KMT2E: variants seen among roughly 807,000 people sequenced by gnomAD.
The protein encoded by KMT2E is lysine methyltransferase 2E (inactive), also known as histone reader KMT2E.
A neutral mutation model predicts 184.6 loss-of-function variants in KMT2E; 30 were observed. That is an observed-to-expected ratio of 0.16 (90% confidence interval 0.12 to 0.22). The LOEUF (loss-of-function observed/expected upper bound fraction) is 0.22, where lower values mean the gene tolerates loss of function less well. Among genes scored for constraint, KMT2E ranks in the 10% least tolerant of loss-of-function variants. The pLI is 1.00. For missense variants in KMT2E, 2,023 were observed against 2,237.4 expected, an observed-to-expected ratio of 0.90 and a Z score of 1.93; for synonymous variants, 815 against 776.5, an observed-to-expected ratio of 1.05 and a Z score of -0.82.
chr7:105,101,776 AG>A lies in KMT2E; in HGVS notation c.1888-109del, dbSNP rs1348034574. 8 of 1,045,850 alleles carry A rather than the reference AG, an allele frequency of 7.6e-6. No individual in the cohort carries two copies. In the Admixed American group the frequency reaches 2.6e-4, roughly 34 times the overall value. The allele number at this position is 1,045,850 out of a possible 1,614,324, so 64.8% of individuals were successfully genotyped here. A position where few individuals can be genotyped will look rare whatever the true frequency, so the allele number is the denominator to read the frequency against. ...TTATCTCTGTTCTTTATTATATATC[AG>A]AATTCAAAAATTCCAGAAAGTTGGC... On this transcript the variant is annotated intron_variant, in intron 16 of 26. Transcript: ENST00000311117.
chr7:105,099,729 C>T (rs761559269), intron 15 of KMT2E, among the ~76,000 whole-genome samples: 4 of 152,116 alleles, frequency 2.6e-5, no homozygotes, highest in Admixed American at 6.5e-5. Context: ...TTTGCCAAGA[C>T]AAGTTTGTTT....
At chr7:105,109,440 T>A (rs77873631) in intron 23 of KMT2E, among the ~76,000 whole-genome samples, 1,811 of 152,342 alleles carry the variant, frequency 0.012, 23 homozygotes, top group African/African-American at 0.034. Context: ...ATTCATACTT[T>A]ACACACACAT....
At chr7:105,039,740 C>T (rs1478707772) in intron 2 of KMT2E, among the ~76,000 whole-genome samples, 1 of 152,086 alleles carries the variant, frequency 6.6e-6, no homozygotes, top group East Asian at 1.9e-4. Flanking sequence ...TAAAAATATA[C>T]AGTAATAGAC....
intron 6 of KMT2E, among the ~76,000 whole-genome samples, chr7:105,071,580 G>GTATATA (rs1438005247): frequency 2.6e-4 from 17 of 64,990 alleles, no homozygotes; most frequent in African/African-American, 7.2e-4. Context: ...GTATGTGTGT[G>GTATATA]TGTATATATA....
intron 3 of KMT2E, among the ~76,000 whole-genome samples, chr7:105,044,318 A>G (rs1796010047): frequency 6.6e-6 from 1 of 152,202 alleles, no homozygotes; most frequent in South Asian, 2.1e-4. Context: ...TACTCTGGTA[A>G]ATTTCACAGG....
At chr7:105,066,393 C>T (rs1244976866) in intron 5 of KMT2E, among the ~76,000 whole-genome samples, 1 of 152,118 alleles carries the variant, frequency 6.6e-6, no homozygotes, top group Admixed American at 6.5e-5. Flanking sequence ...GAGTCAAGTT[C>T]ATTATTCTCC....
intron 1 of KMT2E, among the ~76,000 whole-genome samples, chr7:105,027,004 T>C (rs1192669440): frequency 6.6e-6 from 1 of 151,986 alleles, no homozygotes; most frequent in African/African-American, 2.4e-5. Context: ...TATGAGTGAC[T>C]GATGAGCTCA....
At chr7:105,108,064 C>A in intron 22 of KMT2E, 139 bp downstream of exon 22, 1 of 599,320 alleles carries the variant, frequency 1.7e-6, no homozygotes, top group Non-Finnish European at 2.5e-6. Context: ...ATTTTTAAAC[C>A]TTTTGTAAAT....
intron 1 of KMT2E, among the ~76,000 whole-genome samples, chr7:105,035,412 A>C (rs76387749): frequency 2.1e-5 from 3 of 145,674 alleles, no homozygotes; most frequent in African/African-American, 7.7e-5. Context: ...CAAATTGTCC[A>C]CCTGCCTCAG....
Position 105,040,853 on chromosome 7 carries a change from C to T in KMT2E, c.-100C>T, listed in dbSNP as rs1795847801. 3.9e-6 allele frequency: 3 copies of T among 760,646 alleles called. No individual in the cohort carries two copies. The highest frequency in any genetic ancestry group is 6.7e-6 in the Non-Finnish European group (3 of 447,158). The allele number at this position is 760,646 out of a possible 1,614,324, so 47.1% of individuals were successfully genotyped here. ...CTTTTAAACAGGGTTTGTGGATGCA[C>T]TTAGATGTTTGCAATGAGCACTGTG... On this transcript the variant is annotated 5_prime_UTR_variant, in exon 3 of 27. Transcript: ENST00000311117.
intron 7 of KMT2E, among the ~76,000 whole-genome samples, 179 bp downstream of exon 7, chr7:105,073,856 G>A (rs919937984): frequency 7.3e-5 from 11 of 151,232 alleles, no homozygotes; most frequent in African/African-American, 1.5e-4. Flanking sequence ...TTTTTTTCAC[G>A]TATTATAGAA....
chr7:105,105,538 G>A lies in KMT2E; in HGVS notation c.2296G>A (p.Val766Met). ...TCTACGCATAACTACAGATCCTGAA[G>A]TGTTAGCTACACAACTCAATTCTTT... The part of the protein sequence containing the change: ...RPLRITTDPE[V>M]LATQLNSLPG... Residue 766 changes from valine to methionine, a missense_variant, in exon 18 of 27, where the codon GTG becomes ATG. Physicochemically the swap from Val to Met is conservative, Grantham distance 21. Coordinates refer to ENST00000311117, the MANE Select transcript of KMT2E (RefSeq NM_182931.3). The A allele has an allele frequency of 6.2e-7, 1 of 1,614,100 alleles. No individual in the cohort carries two copies.
intron 15 of KMT2E, among the ~76,000 whole-genome samples, chr7:105,091,831 A>G (rs1798218480): frequency 6.6e-6 from 1 of 152,238 alleles, no homozygotes; most frequent in Non-Finnish European, 1.5e-5. Flanking sequence ...ACTATTTACA[A>G]ATCTTTTATC....
chr7:105,072,959 C>A (rs1797384098), intron 6 of KMT2E, among the ~76,000 whole-genome samples: 1 of 150,802 alleles, frequency 6.6e-6, no homozygotes, highest in Non-Finnish European at 1.5e-5. Context: ...TAATTAAAGG[C>A]AATGGTAATA....
intron 7 of KMT2E, 56 bp downstream of exon 7, chr7:105,073,733 GTTCTC>G: frequency 9.8e-7 from 1 of 1,022,664 alleles, no homozygotes; most frequent in East Asian, 2.4e-5. Flanking sequence ...AGAATAAACG[GTTCTC>G]TCAACTTTTA....
Position 105,081,794 on chromosome 7 carries a change from A to G in KMT2E, c.1355A>G (p.Asn452Ser). ...ATTGCCTTTGATTTTGACTATGGAA[A>G]TTGGTGAGTTCAAGTCTATAAATGT... is the stretch of plus-strand genomic sequence containing the variant. ...ITIAFDFDYG[N>S]CKYKVDCACL... The change falls in exon 13 of 27, where the codon AAT becomes AGT. Residue 452 changes from asparagine to serine, a missense_variant. By Grantham distance (46) the Asn-to-Ser change is conservative. Around this residue, in one of 8 missense-constraint regions of KMT2E, gnomAD observed 68 missense variants for 133.1 expected, o/e 0.51. Coordinates refer to ENST00000311117, the MANE Select transcript of KMT2E (RefSeq NM_182931.3). The G allele has an allele frequency of 4.5e-6, 6 of 1,328,176 alleles. No individual in the cohort carries two copies. The highest frequency in any genetic ancestry group is 6.4e-6 in the Non-Finnish European group (6 of 934,280). 82.3% of individuals were successfully genotyped at this position (1,328,176 alleles called of 1,614,324 possible).
intron 3 of KMT2E, among the ~76,000 whole-genome samples, chr7:105,059,975 G>GCTGTTTTTCTTTT: frequency 2.2e-5 from 1 of 45,618 alleles, no homozygotes; most frequent in Admixed American, 2.7e-4. Flanking sequence ...TTTTCTTGTT[G>GCTGTTTTTCTTTT]TTGTTTTTTT....
At chr7:105,037,771 C>T (rs1584710196) in intron 1 of KMT2E, among the ~76,000 whole-genome samples, 1 of 152,010 alleles carries the variant, frequency 6.6e-6, no homozygotes, top group East Asian at 1.9e-4. Context: ...TTCATTTTTC[C>T]TACTTGAGAG....
At chr7:105,053,861 T>A (rs1324819400) in intron 3 of KMT2E, among the ~76,000 whole-genome samples, 1 of 148,576 alleles carries the variant, frequency 6.7e-6, no homozygotes, top group Non-Finnish European at 1.5e-5. Flanking sequence ...GGTGACAGAG[T>A]AACGCCTTCT....
Sources: allele counts gnomAD v4.1 joint callset (sites outside exome capture counted in the v4.1 genomes callset), GRCh38; gene constraint gnomAD v4.1.1; regional missense constraint gnomAD v4.1.1; transcripts MANE v1.5; gene names NCBI Gene and HGNC (gene_info 2026-07-23, HGNC 2026-07-21).